Variants in CALB2 observed in about 807,000 individuals in gnomAD.
The protein encoded by CALB2 is calbindin 2, also known as calretinin.
A neutral mutation model predicts 45.9 loss-of-function variants in CALB2; 34 were observed. That is an observed-to-expected ratio of 0.74 (90% CI 0.56 to 0.99). The LOEUF is 0.99. Among genes scored for constraint, CALB2 ranks in the 50% least tolerant of loss-of-function variants. The pLI is 0.00. For synonymous variants in CALB2, 142 were observed against 129.6 expected (o/e 1.10, Z -0.65); for missense variants, 344 against 339.3 (o/e 1.01, Z -0.11).
Position 71,389,991 on chromosome 16 carries a change from C to A in CALB2, c.*126C>A. On this transcript the variant is annotated 3_prime_UTR_variant, in exon 11 of 11. Transcript: ENST00000302628. ...CCTACAGCCTGCACACACCTGCCTG[C>A]AGAGCAGGAAATGAGAGATAGAGGA... 2 of 673,246 alleles carry A rather than the reference C, an allele frequency of 3.0e-6. No individual in the cohort carries two copies. The highest frequency in any genetic ancestry group is 3.6e-5 in the African/African-American group (2 of 56,116). The allele number at this position is 673,246 out of a possible 1,614,324, so 41.7% of individuals were successfully genotyped here.
chr16:71,372,164 A>T lies in CALB2; in HGVS notation c.106A>T (p.Ile36Phe). Residue 36 changes from isoleucine (I) to phenylalanine (F), a missense_variant, in exon 2 of 11, where the codon ATT becomes TTT. Ile to Phe is a conservative substitution (Grantham distance 21). Transcript: ENST00000302628. ...CTCTCTTTTTACAGGAAATGGGTAT[A>T]TTGAAGGTAAAGAGCTAGAAAACTT... ...KHFDADGNGYIEGKELENFFQ... is the reference protein window; with the variant it reads ...KHFDADGNGYFEGKELENFFQ... The T allele has an allele frequency of 1.2e-6, 2 of 1,607,554 alleles. No individual in the cohort carries two copies. The highest frequency in any genetic ancestry group is 1.7e-6 in the Non-Finnish European group (2 of 1,175,260).
At chr16:71,386,714 C>T (rs899641925) in intron 10 of CALB2, among the ~76,000 whole-genome samples, 14 of 152,192 alleles carry the variant, frequency 9.2e-5, no homozygotes, top group African/African-American at 2.2e-4. Context: ...GAAAGCTCTA[C>T]AATTCCTTGA....
intron 4 of CALB2, among the ~76,000 whole-genome samples, chr16:71,378,475 G>A (rs945321970): frequency 2.6e-5 from 4 of 152,030 alleles, no homozygotes; most frequent in Non-Finnish European, 4.4e-5. Context: ...AGGAAGATCA[G>A]GAGTTTGAGG....
At chr16:71,384,062 C>T (rs776692853) in intron 7 of CALB2, 37 bp downstream of exon 7, 1 of 1,597,336 alleles carries the variant, frequency 6.3e-7, no homozygotes. Flanking sequence ...GATACTGGCT[C>T]CCACAGGTCA....
intron 9 of CALB2, 97 bp from the exon 10 acceptor site, chr16:71,385,480 T>C: frequency 1.0e-6 from 1 of 993,360 alleles, no homozygotes; most frequent in Non-Finnish European, 1.6e-6. Flanking sequence ...TTGCACAGAG[T>C]AATGGAGAGG....
Position 71,382,795 on chromosome 16 carries a change from G to A in CALB2, c.399+20G>A. The A allele has an allele frequency of 6.2e-7, 1 of 1,601,376 alleles. No individual in the cohort carries two copies. The highest frequency in any genetic ancestry group is 8.5e-7 in the Non-Finnish European group (1 of 1,174,510). On this transcript the variant is annotated intron_variant, in intron 5 of 10. Coordinates refer to ENST00000302628, the MANE Select transcript of CALB2 (RefSeq NM_001740.5). ...CTCAAGGTAGGATGGGCCTTGGGGAGGGTGTGAGGCCAGAGTGGCGGTGGG... is the reference window on the plus strand; with the variant it reads ...CTCAAGGTAGGATGGGCCTTGGGGAAGGTGTGAGGCCAGAGTGGCGGTGGG...
Position 71,385,637 on chromosome 16 carries a change from A to G in CALB2, c.688A>G (p.Lys230Glu), listed in dbSNP as rs2042561804. The change falls in exon 10 of 11, where the codon AAA becomes GAA. Residue 230 changes from lysine (K) to glutamate (E), a missense_variant. This residue lies in a region of CALB2 where 263 missense variants were observed against 241.7 expected (regional missense o/e 1.09). Transcript: ENST00000302628. Reference sequence around the variant, plus strand: ...TGCCCTTTTGAAGGATCTGTACGAGAAAAACAAAAAGGTGAGCAGCCAAGC... The same window carrying G: ...TGCCCTTTTGAAGGATCTGTACGAGGAAAACAAAAAGGTGAGCAGCCAAGC... ...LDALLKDLYE[K>E]NKKEMNIQQL... 1 of 1,613,870 alleles carries G rather than the reference A, an allele frequency of 6.2e-7. No homozygotes were observed. The highest frequency in any genetic ancestry group is 8.5e-7 in the Non-Finnish European group (1 of 1,179,966).
intron 1 of CALB2, among the ~76,000 whole-genome samples, chr16:71,368,128 C>T (rs556932504): frequency 3.2e-4 from 48 of 152,294 alleles, no homozygotes; most frequent in African/African-American, 1.1e-3. Context: ...TTATCTGTCC[C>T]CTGCCCCACC....
chr16:71,384,664 C>CAT (rs1567544097), intron 8 of CALB2, 119 bp from the exon 9 acceptor site: 2 of 420,890 alleles, frequency 4.8e-6, no homozygotes, highest in African/African-American at 7.9e-5. Context: ...ACACACCACA[C>CAT]ACACAACACA....
chr16:71,367,425 C>T (rs368305292), intron 1 of CALB2, among the ~76,000 whole-genome samples: 21 of 152,280 alleles, frequency 1.4e-4, no homozygotes, highest in African/African-American at 5.1e-4. Flanking sequence ...GAAGGGTGTG[C>T]ACCAGCCCCT....
intron 5 of CALB2, 49 bp downstream of exon 5, chr16:71,382,824 A>G (rs780048549): frequency 6.5e-7 from 1 of 1,534,938 alleles, no homozygotes; most frequent in East Asian, 2.3e-5. Flanking sequence ...CGGTGGGCTT[A>G]AGGTGCCTGA....
chr16:71,369,177 C>T (rs183601533), intron 1 of CALB2, among the ~76,000 whole-genome samples: 6 of 152,228 alleles, frequency 3.9e-5, no homozygotes, highest in Non-Finnish European at 7.4e-5. Flanking sequence ...CAGTGTCCGC[C>T]GGCATGTTTG....
intron 10 of CALB2, among the ~76,000 whole-genome samples, chr16:71,388,159 C>G (rs1260608513): frequency 2.0e-5 from 3 of 149,796 alleles, no homozygotes; most frequent in Non-Finnish European, 4.4e-5. Flanking sequence ...TATCTGCTAA[C>G]ATTTTCAATA....
chr16:71,383,261 A>C (rs1567543073), intron 5 of CALB2, 106 bp from the exon 6 acceptor site: 7 of 1,016,376 alleles, frequency 6.9e-6, no homozygotes, highest in South Asian at 5.6e-5. Flanking sequence ...AGACCTGAAA[A>C]ACACACACAC....
chr16:71,379,881 C>T (rs2042466606), intron 4 of CALB2, among the ~76,000 whole-genome samples: 1 of 152,166 alleles, frequency 6.6e-6, no homozygotes, highest in Non-Finnish European at 1.5e-5. Context: ...TTTTATGGTG[C>T]CTTAAAAGAT....
intron 10 of CALB2, among the ~76,000 whole-genome samples, chr16:71,388,406 G>T (rs2042596573): frequency 6.6e-6 from 1 of 151,828 alleles, no homozygotes; most frequent in Admixed American, 6.6e-5. Context: ...GGGGGAGAAG[G>T]AAAGAAAGAA....
chr16:71,374,838 A>G lies in CALB2; in HGVS notation c.261+4A>G, dbSNP rs369408428. On this transcript the variant is annotated splice_donor_region_variant and intron_variant, in intron 3 of 10. Transcript: ENST00000302628. ...TGGGAAAATCGAGATGGCAGAGGTG[A>G]GCCCTGCCTCGCTGGTAAAGAGCTG... The G allele has an allele frequency of 1.9e-6, 3 of 1,601,820 alleles. No individual in the cohort carries two copies. Among genetic ancestry groups the G allele is most frequent in the Non-Finnish European group, 1.7e-6 (2 of 1,169,146 alleles).
rs373714590 is a variant in CALB2 at position 71,365,610 on chromosome 16, T to C, written c.95-6543T>C. ...TTGGGCACCACCCCCCAGAGAAAGA[T>C]TCAGTAGGTCCAAGGTGGGCCTGGG... On this transcript the variant is annotated intron_variant, in intron 1 of 10. Coordinates refer to ENST00000302628, the MANE Select transcript of CALB2 (RefSeq NM_001740.5). 1.4e-4 allele frequency among the ~76,000 whole-genome samples: 22 copies of C among 152,064 alleles called. 1 individual carries two copies. In the East Asian group the frequency reaches 3.7e-3, roughly 25 times the overall value.
intron 10 of CALB2, among the ~76,000 whole-genome samples, chr16:71,388,192 G>A: frequency 6.6e-6 from 1 of 152,052 alleles, no homozygotes; most frequent in South Asian, 2.1e-4. Flanking sequence ...AGAAGAACTG[G>A]ATGTAGTGGC....
Sources: gnomAD v4.1 joint callset for allele counts (sites outside exome capture counted in the v4.1 genomes callset) on GRCh38, gnomAD v4.1.1 for gene constraint, gnomAD v4.1.1 regional missense constraint, MANE v1.5 for transcripts, NCBI Gene and HGNC (gene_info 2026-07-23, HGNC 2026-07-21) for gene names.